Variants in NELL1 observed in about 807,000 individuals in gnomAD.
The protein encoded by NELL1 is neural EGFL like 1.
Under a neutral mutation model 107.4 loss-of-function variants are expected in NELL1, and 76 were observed. The observed-to-expected ratio is 0.71, with a 90% CI of 0.59 to 0.86. NELL1 has a LOEUF of 0.86. NELL1 is among the 40% of genes least tolerant of loss of function. NELL1 has a pLI of 0.00. For synonymous variants in NELL1, 353 were observed against 341.2 expected (o/e 1.03, Z -0.38); for missense variants, 1,024 against 1,005.5 (o/e 1.02, Z -0.25).
intron 15 of NELL1, among the ~76,000 whole-genome samples, chr11:21,398,852 T>G (rs1343372110): frequency 6.6e-6 from 1 of 151,830 alleles, no homozygotes; most frequent in African/African-American, 2.4e-5. Context: ...TCCCTATTTC[T>G]CTTTGCTTCC....
chr11:20,817,857 G>T, intron 3 of NELL1, among the ~76,000 whole-genome samples: 1 of 150,228 alleles, frequency 6.7e-6, no homozygotes. Context: ...TTTCTGCCTT[G>T]TTTTAATTGT....
intron 15 of NELL1, among the ~76,000 whole-genome samples, chr11:21,527,776 G>C (rs1420012632): frequency 6.6e-6 from 1 of 152,160 alleles, no homozygotes; most frequent in Non-Finnish European, 1.5e-5. Context: ...GAAGAGCTTG[G>C]AGTCTGATAT....
At chr11:20,738,447 C>T (rs1055137774) in intron 2 of NELL1, among the ~76,000 whole-genome samples, 7 of 152,160 alleles carry the variant, frequency 4.6e-5, no homozygotes, top group Non-Finnish European at 7.3e-5. Context: ...TAAGCAGGAG[C>T]ACTTCAGCTT....
intron 16 of NELL1, among the ~76,000 whole-genome samples, chr11:21,540,400 A>T (rs1204352591): frequency 2.0e-5 from 3 of 151,904 alleles, no homozygotes; most frequent in Non-Finnish European, 4.4e-5. Context: ...CATCAAATCA[A>T]TTTTTTTAGC....
intron 2 of NELL1, among the ~76,000 whole-genome samples, chr11:20,748,786 T>C: frequency 6.6e-6 from 1 of 150,390 alleles, no homozygotes; most frequent in Non-Finnish European, 1.5e-5. Flanking sequence ...TGCGTGTATA[T>C]ATATAATTTT....
At chr11:20,809,975 C>T (rs761821650) in intron 3 of NELL1, among the ~76,000 whole-genome samples, 1 of 152,162 alleles carries the variant, frequency 6.6e-6, no homozygotes, top group Non-Finnish European at 1.5e-5. Flanking sequence ...TTTGCATTCC[C>T]ACCAGTAGTG....
At chr11:21,162,168 C>T (rs1856387427) in intron 13 of NELL1, among the ~76,000 whole-genome samples, 1 of 152,090 alleles carries the variant, frequency 6.6e-6, no homozygotes, top group South Asian at 2.1e-4. Flanking sequence ...CCAGGATGGT[C>T]TCAATCCCCT....
intron 3 of NELL1, among the ~76,000 whole-genome samples, chr11:20,819,658 A>G (rs1349812428): frequency 6.6e-6 from 1 of 152,192 alleles, no homozygotes; most frequent in Non-Finnish European, 1.5e-5. Context: ...TATAACATTC[A>G]GCCTTTATCG....
intron 2 of NELL1, among the ~76,000 whole-genome samples, chr11:20,702,814 T>C (rs895399569): frequency 1.3e-5 from 2 of 152,186 alleles, no homozygotes; most frequent in Non-Finnish European, 1.5e-5. Context: ...ATTACGTTTA[T>C]TGATTTGTGT....
rs780496226 is a variant in NELL1, at chr11:20,818,042, G to A, written c.336-29541G>A. Reference sequence around the variant, plus strand: ...GATCTTAGAGAATGTCTCACGTGCAGATGAGAAAAATGTATATTCTGTGTT... The same window carrying A: ...GATCTTAGAGAATGTCTCACGTGCAAATGAGAAAAATGTATATTCTGTGTT... On this transcript the variant is annotated intron_variant, in intron 3 of 19. Transcript: ENST00000357134. Among the ~76,000 whole-genome samples the A allele has an allele frequency of 4.4e-4, 67 of 152,158 alleles. 1 individual carries two copies. Among genetic ancestry groups the A allele is most frequent in the Admixed American group, 1.2e-3 (19 of 15,276 alleles).
At chr11:21,271,596 A>G (rs539102904) in intron 14 of NELL1, among the ~76,000 whole-genome samples, 1 of 152,342 alleles carries the variant, frequency 6.6e-6, no homozygotes, top group East Asian at 1.9e-4. Flanking sequence ...AGAATACAGA[A>G]GCATTGGGAA....
At chr11:21,130,490 C>A (rs1355978893) in intron 13 of NELL1, among the ~76,000 whole-genome samples, 1 of 152,106 alleles carries the variant, frequency 6.6e-6, no homozygotes, top group Non-Finnish European at 1.5e-5. Flanking sequence ...AATTCAGTAC[C>A]CATGTCCCAT....
intron 15 of NELL1, among the ~76,000 whole-genome samples, chr11:21,420,382 A>G (rs1852635673): frequency 6.6e-6 from 1 of 152,182 alleles, no homozygotes; most frequent in Admixed American, 6.6e-5. Context: ...AAGGAGTTGT[A>G]AAAATGATGT....
intron 2 of NELL1, among the ~76,000 whole-genome samples, chr11:20,779,178 G>A (rs1335907732): frequency 1.3e-5 from 2 of 152,170 alleles, no homozygotes; most frequent in Non-Finnish European, 2.9e-5. Flanking sequence ...ATTTCTCAAG[G>A]ATAGTATATG....
At chr11:20,909,029 A>G (rs144412213) in intron 5 of NELL1, among the ~76,000 whole-genome samples, 3 of 152,354 alleles carry the variant, frequency 2.0e-5, no homozygotes, top group African/African-American at 7.2e-5. Context: ...TACGTACTAC[A>G]GTGTGGATAA....
At chr11:21,223,838 C>T (rs914821396) in intron 13 of NELL1, among the ~76,000 whole-genome samples, 1 of 152,156 alleles carries the variant, frequency 6.6e-6, no homozygotes, top group Non-Finnish European at 1.5e-5. Context: ...AAGCTTTTCT[C>T]GTAGATCAGG....
In NELL1 at chr11:21,088,707, G is replaced by A. The variant is rs117571132; in HGVS notation, c.1301-24882G>A. Among the ~76,000 whole-genome samples, 909 of 152,200 alleles carry A rather than the reference G, an allele frequency of 6.0e-3. 3 individuals carry two copies. Among genetic ancestry groups the A allele is most frequent in the Non-Finnish European group, 9.4e-3 (637 of 68,016 alleles). On this transcript the variant is annotated intron_variant, in intron 12 of 19. Transcript: ENST00000357134. ...CCACGAACTGCTATTCATACCTCAC[G>A]TCTAATTTTTTTAAAGTGTATCTTC...
intron 15 of NELL1, among the ~76,000 whole-genome samples, chr11:21,390,403 A>G (rs1460873906): frequency 2.7e-5 from 4 of 150,194 alleles, no homozygotes; most frequent in Non-Finnish European, 3.0e-5. Flanking sequence ...ATATATTTAC[A>G]TTACTATTTC....
chr11:20,855,404 G>A (rs1848864663), intron 4 of NELL1, among the ~76,000 whole-genome samples: 1 of 152,176 alleles, frequency 6.6e-6, no homozygotes, highest in Non-Finnish European at 1.5e-5. Context: ...GGCTACCTGA[G>A]GCGAGGAGTG....
Sources: gnomAD v4.1 joint callset for allele counts (sites outside exome capture counted in the v4.1 genomes callset) on GRCh38, gnomAD v4.1.1 for gene constraint, MANE v1.5 for transcripts, NCBI Gene and HGNC (gene_info 2026-07-23, HGNC 2026-07-21) for gene names.